Variants in GREB1 observed in about 807,000 individuals in gnomAD.
GREB1 encodes the protein growth regulating estrogen receptor binding 1, also known as protein GREB1.
A neutral mutation model predicts 200.7 loss-of-function variants in GREB1; 106 were observed. The observed-to-expected ratio is 0.53, with a 90% confidence interval of 0.45 to 0.62. The LOEUF is 0.62. Ranked by LOEUF, GREB1 falls within the 20% of genes least tolerant of loss-of-function variation. The pLI, the probability that GREB1 is intolerant of heterozygous loss-of-function variation, is 0.00. For missense variants in GREB1, 2,243 were observed against 2,556.8 expected (o/e 0.88, Z 2.65); for synonymous variants, 1,132 against 1,092.4 (o/e 1.04, Z -0.72).
At position 11,629,989 on chromosome 2, in the gene GREB1, C is replaced by T. The variant is rs747291490; in HGVS notation, c.4491C>T (p.Ser1497=). ...STLHAFAFSY[S]MLGEEIQLHF... Reference sequence around the variant, plus strand: ...TGCACGCCTTTGCCTTCTCTTACTCCATGCTAGGAGAGGAGATCCAGCTGC... The same window carrying T: ...TGCACGCCTTTGCCTTCTCTTACTCTATGCTAGGAGAGGAGATCCAGCTGC... The change falls in exon 26 of 33, where the codon TCC becomes TCT. Residue 1497 remains serine, a synonymous_variant. Coordinates refer to ENST00000381486, the MANE Select transcript of GREB1 (RefSeq NM_014668.4). The surrounding 1 kb of genome is among the most constrained non-coding windows in gnomAD (Gnocchi z 5.2). 2.5e-6 allele frequency: 4 copies of T among 1,614,008 alleles called. No individual in the cohort carries two copies. The highest frequency in any genetic ancestry group is 2.2e-5 in the South Asian group (2 of 91,088).
rs1245451306 is a variant in GREB1, at chr2:11,538,724, CT to C, written c.-162+4471del. 5.6e-5 allele frequency among the ~76,000 whole-genome samples: 7 copies of C among 125,414 alleles called. No homozygotes were observed. The South Asian group carries it at 1.3e-3, about 23-fold the overall frequency. 82.3% of individuals were successfully genotyped at this position (125,414 alleles called of 152,430 possible). A position where few individuals can be genotyped will look rare whatever the true frequency, so the allele number is the denominator to read the frequency against. ...TCCCTCCCTCCCTTCCTCCCTCCCC[CT>C]CTCTCTCACTTTCCCTTCCTTCTTT... is the stretch of plus-strand genomic sequence containing the variant. On this transcript the variant is annotated intron_variant, in intron 1 of 32. Coordinates refer to ENST00000381486, the MANE Select transcript of GREB1 (RefSeq NM_014668.4).
chr2:11,490,807 C>A (rs1672760127), intron 1 of GREB1, among the ~76,000 whole-genome samples: 1 of 152,154 alleles, frequency 6.6e-6, no homozygotes, highest in Non-Finnish European at 1.5e-5. Context: ...CCTTGGCCTC[C>A]CAAAGTGTTG....
intron 4 of GREB1, among the ~76,000 whole-genome samples, chr2:11,567,234 C>A (rs1022924045): frequency 6.6e-6 from 1 of 152,206 alleles, no homozygotes; most frequent in African/African-American, 2.4e-5. Flanking sequence ...AAGTGATTCT[C>A]CTGCCTCAGC....
chr2:11,512,779 C>T (rs1673387995), intron 1 of GREB1, among the ~76,000 whole-genome samples: 1 of 152,246 alleles, frequency 6.6e-6, no homozygotes, highest in African/African-American at 2.4e-5. Flanking sequence ...ATGGCATGTG[C>T]TCAGTGACCC....
In GREB1 at chr2:11,493,883, G is replaced by T. The variant is rs1672822337; in HGVS notation, c.-159+11502G>T. Among the ~76,000 whole-genome samples, 1 of 152,170 alleles carries T rather than the reference G, an allele frequency of 6.6e-6. No individual in the cohort carries two copies. Among genetic ancestry groups the T allele is most frequent in the Admixed American group, 6.5e-5 (1 of 15,274 alleles). ...GCTGTTATCCTTACAAATGGCTACA[G>T]ACATGAGACAGGTTTAGAGAGGGTA... On this transcript the variant is annotated intron_variant, in intron 1 of 2. Transcript: ENST00000628795. This position sits in a 1 kb window ranked among gnomAD's most constrained non-coding sequence, Gnocchi z 4.6.
At chr2:11,632,263 C>T (rs1157430089) in intron 27 of GREB1, 150 bp downstream of exon 27, 2 of 609,610 alleles carry the variant, frequency 3.3e-6, no homozygotes, top group Non-Finnish European at 2.9e-6. Context: ...CTTTTTTATG[C>T]AGTCTTCCCC....
intron 4 of GREB1, among the ~76,000 whole-genome samples, chr2:11,567,911 C>A (rs1013727252): frequency 6.6e-6 from 1 of 152,112 alleles, no homozygotes; most frequent in Non-Finnish European, 1.5e-5. Context: ...ATCCATGAAG[C>A]GGGGAGGTGA....
chr2:11,598,715 A>C lies in GREB1; in HGVS notation c.2188A>C (p.Met730Leu). Reference sequence around the variant, plus strand: ...GGAGCTTGGTCTGAAGAAAGAGCACATGACGAAGCAGAGGGTGGAACAGTA... The same window carrying C: ...GGAGCTTGGTCTGAAGAAAGAGCACCTGACGAAGCAGAGGGTGGAACAGTA... ...LLELGLKKEHMTKQRVEQYVL... is the reference protein window; with the variant it reads ...LLELGLKKEHLTKQRVEQYVL... The change falls in exon 15 of 33, where the codon ATG becomes CTG. Residue 730 changes from methionine to leucine, a missense_variant. Around this residue, in one of 3 missense-constraint regions of GREB1, gnomAD observed 1,178 missense variants for 1,387.4 expected, o/e 0.85. Transcript: ENST00000381486. The C allele has an allele frequency of 6.2e-7, 1 of 1,614,224 alleles. No homozygotes were observed. Among genetic ancestry groups the C allele is most frequent in the Non-Finnish European group, 8.5e-7 (1 of 1,180,036 alleles).
rs1558510868 is a variant in GREB1, at chr2:11,538,673, CTTTCTTTCTTTCT to C, written c.-162+4422_-162+4434del. 3.1e-4 allele frequency among the ~76,000 whole-genome samples: 14 copies of C among 45,854 alleles called. 2 individuals are homozygous for C. Among genetic ancestry groups the C allele is most frequent in the African/African-American group, 5.6e-4 (11 of 19,628 alleles). The allele number at this position is 45,854 out of a possible 152,430, so 30.1% of individuals were successfully genotyped here. On this transcript the variant is annotated intron_variant, in intron 1 of 32. Coordinates refer to ENST00000381486, the MANE Select transcript of GREB1 (RefSeq NM_014668.4). ...TCTTTCTTTCTTTCTTTCTTTCTTT[CTTTCTTTCTTTCT>C]TTCCTTCCTCCCTCCCTCCCTCCCT...
chr2:11,544,878 G>A (rs1263071227), intron 1 of GREB1, among the ~76,000 whole-genome samples: 3 of 152,170 alleles, frequency 2.0e-5, no homozygotes, highest in Non-Finnish European at 2.9e-5. Flanking sequence ...GCAGTAGTGC[G>A]TTCTCAGCTC....
rs758383847 is a variant in GREB1, at chr2:11,597,786, A to G, written c.1960A>G (p.Asn654Asp). 12 of 1,614,152 alleles carry G rather than the reference A, an allele frequency of 7.4e-6. No homozygotes were observed. Among genetic ancestry groups the G allele is most frequent in the Middle Eastern group, 1.7e-4 (1 of 6,016 alleles). ...TCCTGGGGCTCTGGTTCCAGGTTACAATCTGGAGCCACACAGCATCCGGCC... is the reference window on the plus strand; with the variant it reads ...TCCTGGGGCTCTGGTTCCAGGTTACGATCTGGAGCCACACAGCATCCGGCC... ...VSGTPVCTSY[N>D]LEPHSIRPFQ... Residue 654 changes from asparagine to aspartate, a missense_variant, in exon 14 of 33, where the codon AAT becomes GAT. Coordinates refer to ENST00000381486, the MANE Select transcript of GREB1 (RefSeq NM_014668.4). The surrounding 1 kb of genome is among the most constrained non-coding windows in gnomAD (Gnocchi z 4.1).
chr2:11,585,683 G>C, intron 8 of GREB1, 79 bp from the exon 9 acceptor site: 1 of 1,528,566 alleles, frequency 6.5e-7, no homozygotes, highest in Non-Finnish European at 9.0e-7. Flanking sequence ...TAGCAGATTT[G>C]CTGGCTGGCC....
intron 17 of GREB1, among the ~76,000 whole-genome samples, chr2:11,610,315 G>A (rs1040349602): frequency 6.6e-6 from 1 of 152,170 alleles, no homozygotes; most frequent in African/African-American, 2.4e-5. Context: ...GGAACCAGAG[G>A]CAACTTAGTC....
rs769095887 is a variant in GREB1 at position 11,600,842 on chromosome 2, G to A, written c.2376G>A (p.Val792=). 3.7e-6 allele frequency: 6 copies of A among 1,614,054 alleles called. No individual in the cohort carries two copies. In the Admixed American group the frequency reaches 6.7e-5, roughly 18 times the overall value. ...TCTATTCTCAAAGTGACCCGTCGGT[G>A]GGATTGGTGGACCGATTGCTCAACT... ...HNLYSQSDPS[V]GLVDRLLNCR... The change falls in exon 16 of 33, where the codon GTG becomes GTA. Residue 792 remains valine, a synonymous_variant. Coordinates refer to ENST00000381486, the MANE Select transcript of GREB1 (RefSeq NM_014668.4).
chr2:11,487,943 G>A (rs1672692538), intron 1 of GREB1, among the ~76,000 whole-genome samples: 1 of 152,140 alleles, frequency 6.6e-6, no homozygotes, highest in African/African-American at 2.4e-5. Flanking sequence ...CCTGGGAGTT[G>A]GGGACCTACC....
chr2:11,566,390 A>G (rs779399538), intron 3 of GREB1, 90 bp from the exon 4 acceptor site: 10 of 1,297,970 alleles, frequency 7.7e-6, no homozygotes, highest in Non-Finnish European at 1.1e-5. Context: ...GTTTCTCCTG[A>G]GCAGACCCAG....
At chr2:11,554,665 T>C in intron 1 of GREB1, among the ~76,000 whole-genome samples, 1 of 152,234 alleles carries the variant, frequency 6.6e-6, no homozygotes, top group Non-Finnish European at 1.5e-5. Context: ...ATGTCAAATG[T>C]TACTTTAAAG....
intron 13 of GREB1, among the ~76,000 whole-genome samples, chr2:11,596,574 G>T (rs1207958291): frequency 2.3e-5 from 2 of 87,922 alleles, no homozygotes; most frequent in Non-Finnish European, 2.2e-5. Flanking sequence ...GAAGGGGTGG[G>T]GGCACCAGTG....
intron 3 of GREB1, among the ~76,000 whole-genome samples, chr2:11,563,604 T>G (rs370221526): frequency 5.9e-5 from 9 of 152,336 alleles, no homozygotes; most frequent in African/African-American, 2.2e-4. Context: ...CAGGCCATGC[T>G]GCTTAGCAGA....
Sources: gnomAD v4.1 joint callset for allele counts (sites outside exome capture counted in the v4.1 genomes callset) on GRCh38, gnomAD v4.1.1 for gene constraint, gnomAD v4.1.1 regional missense constraint, Gnocchi (gnomAD v3.1) non-coding constraint, MANE v1.5 for transcripts, NCBI Gene and HGNC (gene_info 2026-07-23, HGNC 2026-07-21) for gene names.